WWC2: variants seen among roughly 807,000 people sequenced by gnomAD.
The protein encoded by WWC2 is WW and C2 domain containing 2.
Under a neutral mutation model 138.5 loss-of-function variants are expected in WWC2, and 101 were observed. The observed-to-expected ratio is 0.73, with a 90% CI of 0.62 to 0.86. The LOEUF (loss-of-function observed/expected upper bound fraction) is 0.86, where lower values mean the gene tolerates loss of function less well. WWC2 is among the 40% of genes least tolerant of loss of function. The pLI, the probability that WWC2 is intolerant of heterozygous loss-of-function variation, is 0.00. For missense variants in WWC2, 1,420 were observed against 1,419.4 expected, an observed-to-expected ratio of 1.00 and a Z score of -0.01; for synonymous variants, 558 against 538.4, an observed-to-expected ratio of 1.04 and a Z score of -0.50.
chr4:183,100,654 C>T (rs2152885149), intron 1 of WWC2, among the ~76,000 whole-genome samples: 1 of 152,326 alleles, frequency 6.6e-6, no homozygotes, highest in Admixed American at 6.5e-5. Flanking sequence ...AACATTTTCC[C>T]TTTTCTCAAT....
At chr4:183,155,221 A>AGAGAGTGAGT (rs61543148) in intron 1 of WWC2, among the ~76,000 whole-genome samples, 1 of 135,184 alleles carries the variant, frequency 7.4e-6, no homozygotes, top group Non-Finnish European at 1.6e-5. Context: ...AGAGAGAGAG[A>AGAGAGTGAGT]GAGTTAGTTG....
intron 4 of WWC2, among the ~76,000 whole-genome samples, chr4:183,222,007 A>G (rs1735947795): frequency 2.0e-5 from 3 of 152,230 alleles, no homozygotes; most frequent in African/African-American, 4.8e-5. Context: ...CTAAATGTCT[A>G]TCAATAGATA....
chr4:183,217,490 C>T (rs1490379565), intron 4 of WWC2, among the ~76,000 whole-genome samples: 1 of 151,482 alleles, frequency 6.6e-6, no homozygotes. Context: ...GAAGAAATGA[C>T]AGGTACAATT....
chr4:183,140,604 A>G (rs1383769314), intron 1 of WWC2, among the ~76,000 whole-genome samples: 1 of 152,202 alleles, frequency 6.6e-6, no homozygotes, highest in Non-Finnish European at 1.5e-5. Flanking sequence ...TCAGTACTTT[A>G]AAGAATATAT....
At chr4:183,176,223 G>A (rs568639692) in intron 1 of WWC2, among the ~76,000 whole-genome samples, 1 of 152,076 alleles carries the variant, frequency 6.6e-6, no homozygotes, top group East Asian at 1.9e-4. Flanking sequence ...AAATTCAATC[G>A]TATGTTTAAA....
At chr4:183,138,080 C>G (rs1231870207) in intron 1 of WWC2, among the ~76,000 whole-genome samples, 1 of 152,114 alleles carries the variant, frequency 6.6e-6, no homozygotes, top group Non-Finnish European at 1.5e-5. Flanking sequence ...CTGGAATCAC[C>G]TAAATTCCTA....
At chr4:183,245,311 G>T in intron 5 of WWC2, 105 bp from the exon 6 acceptor site, 1 of 990,450 alleles carries the variant, frequency 1.0e-6, no homozygotes. Context: ...AGTCAGCAGT[G>T]AAATAATCAT....
chr4:183,296,312 G>A (rs1034175183), intron 21 of WWC2, among the ~76,000 whole-genome samples: 2 of 152,178 alleles, frequency 1.3e-5, no homozygotes, highest in African/African-American at 2.4e-5. Context: ...CTCTTAGATG[G>A]TGTAAAAACT....
At chr4:183,193,890 G>T (rs760494756) in intron 2 of WWC2, among the ~76,000 whole-genome samples, 182 bp downstream of exon 2, 11 of 152,208 alleles carry the variant, frequency 7.2e-5, no homozygotes, top group Non-Finnish European at 1.2e-4. Context: ...TTGTCCTTAT[G>T]GGGGCGGAGA....
chr4:183,191,715 A>T (rs1029124877), intron 1 of WWC2, among the ~76,000 whole-genome samples: 2 of 118,436 alleles, frequency 1.7e-5, no homozygotes, highest in Admixed American at 9.9e-5. Context: ...TATTTCTATT[A>T]TTTTTTTTTA....
chr4:183,131,779 A>G (rs7670863), intron 1 of WWC2, among the ~76,000 whole-genome samples: 1 of 152,150 alleles, frequency 6.6e-6, no homozygotes, highest in Non-Finnish European at 1.5e-5. Context: ...TACTACATGA[A>G]CTTTGCAAAG....
chr4:183,224,154 A>T (rs1736005474), intron 4 of WWC2, among the ~76,000 whole-genome samples: 1 of 152,186 alleles, frequency 6.6e-6, no homozygotes, highest in South Asian at 2.1e-4. Context: ...GTGTACTTAA[A>T]TTCCTTTGTT....
intron 14 of WWC2, 64 bp from the exon 15 acceptor site, chr4:183,268,907 G>T: frequency 1.4e-6 from 2 of 1,443,682 alleles, no homozygotes; most frequent in South Asian, 2.6e-5. Flanking sequence ...AATTTCAAAT[G>T]ATAGCTGTGA....
chr4:183,319,708 A>T lies in WWC2; in HGVS notation c.*3979A>T, dbSNP rs753670207. The T allele has an allele frequency of 1.1e-5, 18 of 1,613,988 alleles. No homozygotes were observed. Among genetic ancestry groups the T allele is most frequent in the Non-Finnish European group, 1.5e-5 (18 of 1,180,042 alleles). ...CCTAGCAGAAGAGAAAGTCCAGCAA[A>T]CCAGCCCAGAAACAGGGCCTCCCCA... On this transcript the variant is annotated 3_prime_UTR_variant, in exon 23 of 23. Transcript: ENST00000403733.
In WWC2 at chr4:183,315,819, G is replaced by A; in HGVS notation, c.*90G>A. The A allele has an allele frequency of 2.0e-6, 2 of 1,023,968 alleles. No individual in the cohort carries two copies. Among genetic ancestry groups the A allele is most frequent in the Non-Finnish European group, 2.8e-6 (2 of 712,662 alleles). 63.4% of individuals were successfully genotyped at this position (1,023,968 alleles called of 1,614,324 possible). On this transcript the variant is annotated 3_prime_UTR_variant, in exon 23 of 23. Coordinates refer to ENST00000403733, the MANE Select transcript of WWC2 (RefSeq NM_024949.6). ...ATTTGTGTTTTTGTTTTGGTGTTTG[G>A]TTTTTTTTGGTAACGTAACTGTCAA...
At chr4:183,163,659 G>A (rs1342353607) in intron 1 of WWC2, among the ~76,000 whole-genome samples, 1 of 152,060 alleles carries the variant, frequency 6.6e-6, no homozygotes, top group Non-Finnish European at 1.5e-5. Context: ...CTTGACCTAC[G>A]TTACAGGTCA....
At chr4:183,119,205 G>A (rs919504431) in intron 1 of WWC2, among the ~76,000 whole-genome samples, 1 of 152,124 alleles carries the variant, frequency 6.6e-6, no homozygotes, top group Non-Finnish European at 1.5e-5. Context: ...CATTGCACTG[G>A]CCCTGCCGTT....
intron 1 of WWC2, among the ~76,000 whole-genome samples, chr4:183,130,382 T>A (rs1270711563): frequency 3.2e-4 from 49 of 152,070 alleles, no homozygotes; most frequent in Non-Finnish European, 1.3e-4. Context: ...AAAAAAAAAA[T>A]TATGTGTGGC....
At chr4:183,221,334 CTAAT>C (rs1189814718) in intron 4 of WWC2, among the ~76,000 whole-genome samples, 1 of 152,178 alleles carries the variant, frequency 6.6e-6, no homozygotes, top group African/African-American at 2.4e-5. Flanking sequence ...GGACAAATCT[CTAAT>C]TATAGTTGGA....
Sources: gnomAD v4.1 joint callset for allele counts (sites outside exome capture counted in the v4.1 genomes callset) on GRCh38, gnomAD v4.1.1 for gene constraint, MANE v1.5 for transcripts, NCBI Gene and HGNC (gene_info 2026-07-23, HGNC 2026-07-21) for gene names.